Variants in ERG observed in about 807,000 individuals in gnomAD.
ERG encodes transcriptional regulator ERG.
A neutral mutation model predicts 55.3 loss-of-function variants in ERG; 9 were observed. The observed-to-expected ratio is 0.16, with a 90% CI of 0.10 to 0.28. ERG has a LOEUF of 0.28. Among genes scored for constraint, ERG ranks in the 10% least tolerant of loss-of-function variants. The pLI is 1.00. For missense variants in ERG, 434 were observed against 631.6 expected (o/e 0.69, Z 3.35); for synonymous variants, 223 against 237.3 (o/e 0.94, Z 0.55).
intron 1 of ERG, among the ~76,000 whole-genome samples, chr21:38,479,051 T>C (rs2059214215): frequency 6.6e-6 from 1 of 152,236 alleles, no homozygotes; most frequent in Non-Finnish European, 1.5e-5. Flanking sequence ...ACTCAGTATC[T>C]TGTGAAACTG....
chr21:38,504,618 TC>T (rs1329969348), intron 2 of ERG, among the ~76,000 whole-genome samples: 5 of 152,326 alleles, frequency 3.3e-5, no homozygotes, highest in African/African-American at 1.2e-4. Flanking sequence ...GCTACAGACA[TC>T]ACGTTGCCAT....
chr21:38,432,693 C>T (rs1173346141), intron 2 of ERG, among the ~76,000 whole-genome samples: 2 of 152,176 alleles, frequency 1.3e-5, no homozygotes, highest in Non-Finnish European at 2.9e-5. Flanking sequence ...GACAGAAATA[C>T]TCGAAAGCAG....
At chr21:38,497,403 T>C (rs1412195686) in intron 1 of ERG, among the ~76,000 whole-genome samples, 5 of 152,182 alleles carry the variant, frequency 3.3e-5, no homozygotes, top group Non-Finnish European at 7.3e-5. Context: ...AATTTTCTTT[T>C]CCCTCCACTC....
intron 9 of ERG, among the ~76,000 whole-genome samples, chr21:38,388,803 T>C (rs887272916): frequency 2.0e-5 from 3 of 152,176 alleles, no homozygotes; most frequent in Non-Finnish European, 4.4e-5. Flanking sequence ...CTCCTTGCTC[T>C]GAGCTCAGGT....
chr21:38,660,873 G>C (rs1438689189), intron 1 of ERG, among the ~76,000 whole-genome samples: 1 of 151,988 alleles, frequency 6.6e-6, no homozygotes, highest in African/African-American at 2.4e-5. Context: ...GTGTGCGCGT[G>C]GGTGTGGGTG....
chr21:38,505,549 C>T (rs1244482351), intron 2 of ERG, among the ~76,000 whole-genome samples: 1 of 152,188 alleles, frequency 6.6e-6, no homozygotes, highest in Non-Finnish European at 1.5e-5. Flanking sequence ...GATGCCCACA[C>T]AGATCTCAGC....
At chr21:38,651,410 C>T (rs2060488023) in intron 1 of ERG, among the ~76,000 whole-genome samples, 1 of 152,126 alleles carries the variant, frequency 6.6e-6, no homozygotes, top group Non-Finnish European at 1.5e-5. Flanking sequence ...GGCCACTAGC[C>T]ACATGTGACT....
intron 2 of ERG, among the ~76,000 whole-genome samples, chr21:38,425,156 G>A (rs1047071289): frequency 2.6e-5 from 4 of 152,110 alleles, no homozygotes; most frequent in Non-Finnish European, 4.4e-5. Flanking sequence ...GGCCGAGGTG[G>A]GCAGATCACC....
chr21:38,457,177 C>G (rs2058997776), intron 1 of ERG, among the ~76,000 whole-genome samples: 1 of 152,228 alleles, frequency 6.6e-6, no homozygotes, highest in South Asian at 2.1e-4. Context: ...TGGCTCACAC[C>G]TGTAATCCCA....
chr21:38,429,570 T>C (rs1990068492), intron 2 of ERG, among the ~76,000 whole-genome samples: 1 of 102,156 alleles, frequency 9.8e-6, no homozygotes, highest in Non-Finnish European at 2.2e-5. Flanking sequence ...TGTATACACA[T>C]GTACATATAT....
At chr21:38,572,365 C>CAAAAAAAA (rs758324053) in intron 2 of ERG, among the ~76,000 whole-genome samples, 1 of 66,988 alleles carries the variant, frequency 1.5e-5, no homozygotes, top group Non-Finnish European at 3.1e-5. Context: ...GAGACTCCAT[C>CAAAAAAAA]AAAAAAAAAA....
intron 2 of ERG, chr21:38,575,652 C>A (rs765371414): frequency 1.2e-6 from 2 of 1,611,212 alleles, no homozygotes; most frequent in East Asian, 2.2e-5. Flanking sequence ...CCAGCCAAGA[C>A]GGGACTTACC....
rs191436007 is a variant in ERG at position 38,473,180 on chromosome 21, G to A, written c.18+25183C>T. Among the ~76,000 whole-genome samples the A allele has an allele frequency of 4.7e-3, 643 of 136,198 alleles. 8 individuals are homozygous for A. The highest frequency in any genetic ancestry group is 0.017 in the African/African-American group (608 of 36,602). The allele number at this position is 136,198 out of a possible 152,430, so 89.4% of individuals were successfully genotyped here. A position where few individuals can be genotyped will look rare whatever the true frequency, so the allele number is the denominator to read the frequency against. ...CGCTCAAAAAAAAAAAAAAAAAAAA[G>A]GCTTAGAGACACGTCAAAAGGGCAC... On this transcript the variant is annotated intron_variant, in intron 1 of 9. Transcript: ENST00000288319.
At chr21:38,611,256 A>G (rs2060225393) in intron 1 of ERG, among the ~76,000 whole-genome samples, 1 of 152,144 alleles carries the variant, frequency 6.6e-6, no homozygotes. Context: ...CCCTGCTTCA[A>G]ACCTTGAAAC....
intron 1 of ERG, among the ~76,000 whole-genome samples, chr21:38,590,277 C>G (rs986035264): frequency 1.3e-5 from 2 of 152,036 alleles, no homozygotes; most frequent in African/African-American, 4.8e-5. Context: ...ACCAAAGATG[C>G]AGCAACAGAG....
downstream of ERG, among the ~76,000 whole-genome samples, chr21:38,375,404 T>A (rs924357598): frequency 2.0e-5 from 3 of 152,144 alleles, no homozygotes; most frequent in African/African-American, 4.8e-5. Context: ...GATTATAATC[T>A]CTCCAAGGGC....
chr21:38,642,853 C>T (rs1193297037), intron 1 of ERG, among the ~76,000 whole-genome samples: 1 of 152,188 alleles, frequency 6.6e-6, no homozygotes, highest in African/African-American at 2.4e-5. Context: ...ATGTGTTTTC[C>T]CAAGCAGCTG....
chr21:38,599,212 T>C (rs572063467), intron 1 of ERG, among the ~76,000 whole-genome samples: 4 of 152,010 alleles, frequency 2.6e-5, no homozygotes, highest in African/African-American at 4.8e-5. Context: ...TGAGAGGGCC[T>C]GGGTATATCC....
chr21:38,450,881 T>C (rs1241412691), intron 1 of ERG: 9 of 455,406 alleles, frequency 2.0e-5, no homozygotes, highest in African/African-American at 1.6e-4. Flanking sequence ...ATCCTTACAA[T>C]TGTCCTATAA....
Sources: allele counts gnomAD v4.1 joint callset (sites outside exome capture counted in the v4.1 genomes callset), GRCh38; gene constraint gnomAD v4.1.1; transcripts MANE v1.5; gene names NCBI Gene and HGNC (gene_info 2026-07-23, HGNC 2026-07-21).